DYNC1I1: variants seen among roughly 807,000 people sequenced by gnomAD.
The protein encoded by DYNC1I1 is cytoplasmic dynein 1 intermediate chain 1.
In DYNC1I1, 43 loss-of-function variants were observed where a neutral mutation model predicts 86.6. The ratio of observed to expected loss-of-function variants is 0.50; its 90% CI spans 0.39 to 0.64. The LOEUF is 0.64. Ranked by LOEUF, DYNC1I1 falls within the 30% of genes least tolerant of loss-of-function variation. DYNC1I1 has a pLI of 0.00. For synonymous variants in DYNC1I1, 262 were observed against 283.7 expected, an observed-to-expected ratio of 0.92 and a Z score of 0.77; for missense variants, 604 against 788.8, an observed-to-expected ratio of 0.77 and a Z score of 2.81.
chr7:96,103,942 C>G (rs1791175792), intron 16 of DYNC1I1, among the ~76,000 whole-genome samples: 1 of 152,136 alleles, frequency 6.6e-6, no homozygotes. Context: ...TCCACAACTT[C>G]TCTGATATTT....
intron 6 of DYNC1I1, among the ~76,000 whole-genome samples, chr7:95,952,910 C>A (rs753682174): frequency 8.6e-5 from 13 of 151,800 alleles, no homozygotes; most frequent in Non-Finnish European, 1.8e-4. Context: ...TCACCTCAGA[C>A]CTTCAGGGTC....
intron 9 of DYNC1I1, among the ~76,000 whole-genome samples, chr7:95,995,074 C>T (rs565600649): frequency 7.2e-5 from 11 of 151,814 alleles, no homozygotes; most frequent in South Asian, 2.1e-4. Flanking sequence ...GGTGAAACCC[C>T]GTCTCTACTA....
intron 6 of DYNC1I1, among the ~76,000 whole-genome samples, chr7:95,894,201 A>G (rs1790815967): frequency 6.6e-6 from 1 of 151,898 alleles, no homozygotes; most frequent in African/African-American, 2.4e-5. Context: ...TAAACTGGGT[A>G]GCTTATAAAT....
intron 5 of DYNC1I1, among the ~76,000 whole-genome samples, chr7:95,836,856 G>A (rs1168613404): frequency 1.3e-5 from 2 of 151,876 alleles, no homozygotes; most frequent in African/African-American, 4.8e-5. Flanking sequence ...GGTTATTCTA[G>A]TTATACATTC....
At position 95,899,949 on chromosome 7, in the gene DYNC1I1, G is replaced by A. The variant is rs1790992806; in HGVS notation, c.490+29951G>A. Among the ~76,000 whole-genome samples, 7 of 152,170 alleles carry A rather than the reference G, an allele frequency of 4.6e-5. No individual in the cohort carries two copies. The South Asian group carries it at 1.2e-3, about 27-fold the overall frequency. On this transcript the variant is annotated intron_variant, in intron 6 of 16. Transcript: ENST00000447467. ...GATTTTAGAGCAGCTTGCAGAAATA[G>A]TGGTGAATAATGTGCTTATTATCAT...
intron 4 of DYNC1I1, among the ~76,000 whole-genome samples, chr7:95,814,761 G>A (rs1184105877): frequency 6.6e-6 from 1 of 151,864 alleles, no homozygotes; most frequent in East Asian, 1.9e-4. Context: ...TAGGCCCTTT[G>A]GAAACCAGTG....
intron 6 of DYNC1I1, among the ~76,000 whole-genome samples, chr7:95,924,434 A>G (rs1791688968): frequency 6.6e-6 from 1 of 152,166 alleles, no homozygotes; most frequent in African/African-American, 2.4e-5. Context: ...ATGTACGGAA[A>G]TTATGTTGGA....
At chr7:95,951,390 GAT>G (rs1562953880) in intron 6 of DYNC1I1, among the ~76,000 whole-genome samples, 25 of 152,234 alleles carry the variant, frequency 1.6e-4, no homozygotes, top group African/African-American at 5.5e-4. Context: ...TCACAGTCGT[GAT>G]AAAACATGGG....
chr7:95,778,941 G>A (rs549973612), intron 1 of DYNC1I1, among the ~76,000 whole-genome samples: 1 of 152,284 alleles, frequency 6.6e-6, no homozygotes, highest in Non-Finnish European at 1.5e-5. Flanking sequence ...TGGGATTACA[G>A]GTGTGAGCCA....
chr7:96,031,325 G>T lies in DYNC1I1; in HGVS notation c.1117-1342G>T, dbSNP rs577339664. ...AGATGAAGGAATTAGTGACAGTCTGGGTAAGAAAAGATTTGGCAGGGAGAG... is the reference window on the plus strand; with the variant it reads ...AGATGAAGGAATTAGTGACAGTCTGTGTAAGAAAAGATTTGGCAGGGAGAG... On this transcript the variant is annotated intron_variant, in intron 11 of 16. Transcript: ENST00000447467. Among the ~76,000 whole-genome samples the T allele has an allele frequency of 3.9e-5, 6 of 152,216 alleles. No individual in the cohort carries two copies. The East Asian group carries it at 1.2e-3, about 29-fold the overall frequency.
chr7:95,974,670 C>A (rs1032129972), intron 6 of DYNC1I1, among the ~76,000 whole-genome samples: 2 of 152,130 alleles, frequency 1.3e-5, no homozygotes, highest in African/African-American at 4.8e-5. Flanking sequence ...GCATTGCCGG[C>A]CAGGTCTCAA....
At chr7:95,904,723 G>A (rs1791130473) in intron 6 of DYNC1I1, among the ~76,000 whole-genome samples, 3 of 152,046 alleles carry the variant, frequency 2.0e-5, no homozygotes, top group Non-Finnish European at 1.5e-5. Context: ...ATAGCAGAAG[G>A]GAATGTGATC....
chr7:95,972,659 T>C (rs1471493791), intron 6 of DYNC1I1, among the ~76,000 whole-genome samples: 1 of 152,188 alleles, frequency 6.6e-6, no homozygotes, highest in African/African-American at 2.4e-5. Flanking sequence ...TTTGTAAGGC[T>C]ATCAAAACAA....
chr7:95,910,036 A>G (rs1791289163), intron 6 of DYNC1I1, among the ~76,000 whole-genome samples: 1 of 152,138 alleles, frequency 6.6e-6, no homozygotes, highest in Non-Finnish European at 1.5e-5. Context: ...CACTGCAAGA[A>G]TCTCCTTGCC....
intron 6 of DYNC1I1, among the ~76,000 whole-genome samples, chr7:95,972,330 G>C (rs1681171805): frequency 6.6e-6 from 1 of 152,112 alleles, no homozygotes; most frequent in Admixed American, 6.5e-5. Flanking sequence ...GATGTTGGGC[G>C]TCACTGCTGC....
intron 1 of DYNC1I1, among the ~76,000 whole-genome samples, chr7:95,794,869 A>G (rs962620084): frequency 6.6e-6 from 1 of 152,216 alleles, no homozygotes; most frequent in Admixed American, 6.5e-5. Flanking sequence ...GAATTTACCC[A>G]ATATGAATAA....
chr7:95,874,609 G>T (rs890041686), intron 6 of DYNC1I1, among the ~76,000 whole-genome samples: 4 of 151,532 alleles, frequency 2.6e-5, no homozygotes, highest in African/African-American at 7.3e-5. Context: ...AAGTCATAAG[G>T]GTAGGATCTC....
At chr7:96,078,025 A>G (rs1790395040) in intron 15 of DYNC1I1, among the ~76,000 whole-genome samples, 1 of 152,194 alleles carries the variant, frequency 6.6e-6, no homozygotes, top group Non-Finnish European at 1.5e-5. Flanking sequence ...AAATCCAGTA[A>G]TGAACCGAAC....
intron 5 of DYNC1I1, among the ~76,000 whole-genome samples, chr7:95,861,122 C>G (rs1472372397): frequency 2.6e-5 from 4 of 152,120 alleles, no homozygotes; most frequent in Non-Finnish European, 4.4e-5. Context: ...GTGCCACACT[C>G]TGGCTTCTGA....
Sources: gnomAD v4.1 joint callset for allele counts (sites outside exome capture counted in the v4.1 genomes callset) on GRCh38, gnomAD v4.1.1 for gene constraint, MANE v1.5 for transcripts, NCBI Gene and HGNC (gene_info 2026-07-23, HGNC 2026-07-21) for gene names.